RNF150: variants seen among roughly 807,000 people sequenced by gnomAD.
The protein encoded by RNF150 is ring finger protein 150.
In RNF150, 24 loss-of-function variants were observed where a neutral mutation model predicts 39.3. The ratio of observed to expected loss-of-function variants is 0.61; its 90% CI spans 0.44 to 0.86. The LOEUF (loss-of-function observed/expected upper bound fraction) is 0.86. Ranked by LOEUF, RNF150 falls within the 40% of genes least tolerant of loss-of-function variation. The probability of loss-of-function intolerance (pLI) is 0.00; values close to 1 mark genes in which losing one functional copy is unlikely to be tolerated. For missense variants in RNF150, 502 were observed against 587.8 expected, an observed-to-expected ratio of 0.85 and a Z score of 1.51; for synonymous variants, 255 against 227.3, an observed-to-expected ratio of 1.12 and a Z score of -1.10.
chr4:140,998,340 C>A (rs1273213463), intron 1 of RNF150, among the ~76,000 whole-genome samples: 2 of 152,118 alleles, frequency 1.3e-5, no homozygotes, highest in African/African-American at 4.8e-5. Context: ...GGACTGGTGG[C>A]CTTCTAAGAA....
At chr4:140,897,397 A>G (rs1232725499) in intron 6 of RNF150, among the ~76,000 whole-genome samples, 1 of 152,174 alleles carries the variant, frequency 6.6e-6, no homozygotes, top group Admixed American at 6.5e-5. Flanking sequence ...AGAAGTGACA[A>G]TTCTCTGCCT....
At chr4:141,203,101 C>A (rs1315121171) in intron 1 of RNF150, among the ~76,000 whole-genome samples, 3 of 139,774 alleles carry the variant, frequency 2.1e-5, no homozygotes, top group Non-Finnish European at 3.1e-5. Flanking sequence ...GATATATAAT[C>A]TTGGAGACGA....
chr4:141,184,848 G>T (rs1402765419), intron 1 of RNF150, among the ~76,000 whole-genome samples: 1 of 149,702 alleles, frequency 6.7e-6, no homozygotes, highest in Non-Finnish European at 1.5e-5. Flanking sequence ...CCTCTGTTTT[G>T]TTCCATTGGT....
intron 1 of RNF150, among the ~76,000 whole-genome samples, chr4:141,021,132 G>A (rs1735473550): frequency 6.6e-6 from 1 of 152,088 alleles, no homozygotes; most frequent in Non-Finnish European, 1.5e-5. Context: ...TCACCTAACA[G>A]GATCCTTGCT....
At chr4:140,914,575 G>T (rs1014225119) in intron 5 of RNF150, among the ~76,000 whole-genome samples, 1 of 152,176 alleles carries the variant, frequency 6.6e-6, no homozygotes, top group African/African-American at 2.4e-5. Context: ...GATAGGAGGT[G>T]GTTGCTGGCA....
At chr4:140,947,838 C>T (rs1484803942) in intron 3 of RNF150, 102 bp from the exon 4 acceptor site, 1 of 705,570 alleles carries the variant, frequency 1.4e-6, no homozygotes, top group Non-Finnish European at 2.3e-6. Context: ...GCAAAGCTTT[C>T]CGCTGTGCTG....
chr4:141,047,593 C>T (rs1436805497), intron 1 of RNF150, among the ~76,000 whole-genome samples: 2 of 151,836 alleles, frequency 1.3e-5, no homozygotes, highest in African/African-American at 4.8e-5. Context: ...TTAAATATTC[C>T]ACAAACACAA....
At chr4:141,085,460 T>C (rs1738327635) in intron 1 of RNF150, among the ~76,000 whole-genome samples, 2 of 151,952 alleles carry the variant, frequency 1.3e-5, no homozygotes, top group African/African-American at 4.8e-5. Context: ...CACATAGAGG[T>C]GCTCCAATCA....
chr4:141,066,233 A>G (rs1737452758), intron 1 of RNF150, among the ~76,000 whole-genome samples: 1 of 92,264 alleles, frequency 1.1e-5, no homozygotes, highest in Admixed American at 1.5e-4. Context: ...TTTGTTCAGT[A>G]TATGTGCGAA....
intron 6 of RNF150, among the ~76,000 whole-genome samples, chr4:140,908,953 T>C (rs62345034): frequency 0.1 from 15,817 of 152,126 alleles, 910 homozygotes; most frequent in Admixed American, 0.14. Context: ...TTACAAATGT[T>C]TATTTGTTTT....
rs186568499 is a variant in RNF150 at position 140,900,779 on chromosome 4, C to G, written c.1198+10365G>C. Reference sequence around the variant, plus strand: ...GTGTGTGGGGTGGGGAGAGAAGTAACATTTATAATTTCTTAAGTGTCAGGC... The same window carrying G: ...GTGTGTGGGGTGGGGAGAGAAGTAAGATTTATAATTTCTTAAGTGTCAGGC... On this transcript the variant is annotated intron_variant, in intron 6 of 6. Transcript: ENST00000515673. Among the ~76,000 whole-genome samples the G allele has an allele frequency of 2.6e-5, 4 of 152,046 alleles. 1 individual carries two copies. The highest frequency in any genetic ancestry group is 9.6e-5 in the African/African-American group (4 of 41,468).
At chr4:141,203,727 C>A (rs1242907905) in intron 1 of RNF150, among the ~76,000 whole-genome samples, 1 of 144,286 alleles carries the variant, frequency 6.9e-6, no homozygotes, top group African/African-American at 2.5e-5. Context: ...GGTTCTGAGG[C>A]GGATAGAGAA....
chr4:141,178,570 A>C (rs942290019), intron 1 of RNF150, among the ~76,000 whole-genome samples: 2 of 152,162 alleles, frequency 1.3e-5, no homozygotes, highest in African/African-American at 4.8e-5. Flanking sequence ...GCTAAAAATT[A>C]TCAGCTAAGA....
intron 1 of RNF150, among the ~76,000 whole-genome samples, chr4:141,032,075 C>T (rs748383675): frequency 6.6e-6 from 1 of 151,846 alleles, no homozygotes; most frequent in Non-Finnish European, 1.5e-5. Flanking sequence ...CACACATACA[C>T]ATACATACAC....
chr4:141,050,862 C>T (rs113079356), intron 1 of RNF150, among the ~76,000 whole-genome samples: 3,725 of 152,296 alleles, frequency 0.024, 155 homozygotes, highest in African/African-American at 0.084. Flanking sequence ...CCTCTTCTCA[C>T]AGCTCCACTA....
At chr4:141,196,254 GA>G (rs1344833322) in intron 1 of RNF150, among the ~76,000 whole-genome samples, 1 of 152,168 alleles carries the variant, frequency 6.6e-6, no homozygotes, top group African/African-American at 2.4e-5. Context: ...CCCTTAAGGG[GA>G]TTTCTGTCTC....
chr4:140,884,819 TTC>T, intron 6 of RNF150, among the ~76,000 whole-genome samples: 1 of 152,168 alleles, frequency 6.6e-6, no homozygotes, highest in Non-Finnish European at 1.5e-5. Flanking sequence ...ACAATCATTT[TTC>T]TCTTTCTCTG....
intron 1 of RNF150, among the ~76,000 whole-genome samples, chr4:141,148,184 A>AT (rs1727233804): frequency 6.6e-6 from 1 of 152,108 alleles, no homozygotes; most frequent in Admixed American, 6.5e-5. Context: ...TACAGGATGT[A>AT]TTTTTTGAAA....
chr4:140,871,588 C>T (rs776989762), intron 6 of RNF150, among the ~76,000 whole-genome samples: 1 of 152,008 alleles, frequency 6.6e-6, no homozygotes, highest in Non-Finnish European at 1.5e-5. Context: ...AACTGGAAGT[C>T]AACCAAAGAG....
Sources: allele counts gnomAD v4.1 joint callset (sites outside exome capture counted in the v4.1 genomes callset), GRCh38; gene constraint gnomAD v4.1.1; transcripts MANE v1.5; gene names NCBI Gene and HGNC (gene_info 2026-07-23, HGNC 2026-07-21).